The following STON2 variants were observed in gnomAD, a reference collection of about 807,000 sequenced individuals.
STON2 encodes the protein stonin-2.
A neutral mutation model predicts 65.7 loss-of-function variants in STON2; 29 were observed. The observed-to-expected ratio is 0.44, with a 90% confidence interval of 0.33 to 0.60. STON2 has a LOEUF of 0.60. Ranked by LOEUF, STON2 falls within the 20% of genes least tolerant of loss-of-function variation. The pLI, the probability that STON2 is intolerant of heterozygous loss-of-function variation, is 0.03. For missense variants in STON2, 1,054 were observed against 1,118.1 expected (o/e 0.94, Z 0.82); for synonymous variants, 404 against 414.2 (o/e 0.98, Z 0.30).
chr14:81,426,590 C>T (rs996922726), intron 2 of STON2, among the ~76,000 whole-genome samples: 5 of 152,098 alleles, frequency 3.3e-5, no homozygotes, highest in Non-Finnish European at 5.9e-5. Flanking sequence ...ATTTGACCAG[C>T]GACTCTCCCT....
chr14:81,400,721 G>A (rs966672514), upstream of STON2, among the ~76,000 whole-genome samples: 1 of 152,122 alleles, frequency 6.6e-6, no homozygotes, highest in Admixed American at 6.6e-5. Flanking sequence ...TGAGGCCCAA[G>A]GAAATCAGGC....
chr14:81,373,080 T>C (rs1039091059), intron 3 of STON2, among the ~76,000 whole-genome samples: 1 of 152,188 alleles, frequency 6.6e-6, no homozygotes, highest in Non-Finnish European at 1.5e-5. Context: ...GTTATCACTG[T>C]CTAATGTACT....
At chr14:81,291,420 C>T (rs1358134708) in intron 5 of STON2, among the ~76,000 whole-genome samples, 1 of 152,136 alleles carries the variant, frequency 6.6e-6, no homozygotes, top group Non-Finnish European at 1.5e-5. Flanking sequence ...CCCTCTGGTA[C>T]TGAGAAATGT....
chr14:81,275,959 C>T (rs1894799282), intron 6 of STON2, among the ~76,000 whole-genome samples: 1 of 152,202 alleles, frequency 6.6e-6, no homozygotes, highest in South Asian at 2.1e-4. Context: ...TTTTCCAAAC[C>T]TTATCCTTTT....
intron 2 of STON2, among the ~76,000 whole-genome samples, chr14:81,418,982 A>G (rs955950450): frequency 6.6e-6 from 1 of 152,170 alleles, no homozygotes; most frequent in Non-Finnish European, 1.5e-5. Flanking sequence ...TTGATTCCCT[A>G]GAAAAAAGTT....
chr14:81,390,031 A>C (rs1434310875), intron 3 of STON2, among the ~76,000 whole-genome samples: 1 of 151,884 alleles, frequency 6.6e-6, no homozygotes, highest in East Asian at 1.9e-4. Context: ...TGGCCAACAT[A>C]ATGAAACCCA....
At chr14:81,345,092 A>G (rs1185812733) in intron 4 of STON2, among the ~76,000 whole-genome samples, 1 of 152,206 alleles carries the variant, frequency 6.6e-6, no homozygotes, top group East Asian at 1.9e-4. Flanking sequence ...AGCTTGTGAC[A>G]ATGCATATAA....
intron 3 of STON2, 86 bp downstream of exon 3, chr14:81,395,808 T>C (rs1418373449): frequency 1.4e-6 from 2 of 1,392,882 alleles, no homozygotes; most frequent in Non-Finnish European, 2.0e-6. Flanking sequence ...GCAGATGAAA[T>C]GGAATCCTGG....
In STON2 at chr14:81,265,847, T is replaced by A; in HGVS notation, c.*2567A>T. The A allele has an allele frequency of 1.0e-6, 1 of 985,226 alleles. No homozygotes were observed. Among genetic ancestry groups the A allele is most frequent in the Non-Finnish European group, 1.2e-6 (1 of 829,884 alleles). The allele number at this position is 985,226 out of a possible 1,614,324, so 61.0% of individuals were successfully genotyped here. On this transcript the variant is annotated 3_prime_UTR_variant, in exon 8 of 8. Transcript: ENST00000614646. ...AATAAGCTCCAACAAGCAATCCACA[T>A]GTTATGCTAGCAGATGAGGCAGAGA...
chr14:81,339,664 C>T (rs1263837140), intron 4 of STON2, among the ~76,000 whole-genome samples: 1 of 152,136 alleles, frequency 6.6e-6, no homozygotes, highest in Non-Finnish European at 1.5e-5. Flanking sequence ...GAAGGCCAGG[C>T]TAAAGTTTTA....
rs563993314 is a variant in STON2, at chr14:81,396,016, G to T, written c.251C>A (p.Pro84Gln). 2 of 1,614,204 alleles carry T rather than the reference G, an allele frequency of 1.2e-6. No homozygotes were observed. Among genetic ancestry groups the T allele is most frequent in the East Asian group, 2.2e-5 (1 of 44,884 alleles). ...KMGLISEAAS[P>Q]PGSPEQPPPD... ...TGGGGGCTGCTCAGGGCTCCCAGGT[G>T]GGGAAGCTGCTTCAGAGATGAGGCC... The change falls in exon 3 of 8, where the codon CCA becomes CAA. Residue 84 changes from proline (P) to glutamine (Q), a missense_variant. Pro to Gln is a moderately conservative substitution (Grantham distance 76). Coordinates refer to ENST00000614646, the MANE Select transcript of STON2 (RefSeq NM_001394390.1).
At chr14:81,372,538 T>G (rs977984061) in intron 3 of STON2, among the ~76,000 whole-genome samples, 7 of 116,014 alleles carry the variant, frequency 6.0e-5, no homozygotes, top group Non-Finnish European at 1.2e-4. Flanking sequence ...CAACAAGAGA[T>G]AAACCCTATC....
intron 4 of STON2, among the ~76,000 whole-genome samples, chr14:81,342,610 A>T (rs1897656065): frequency 6.6e-6 from 1 of 152,156 alleles, no homozygotes; most frequent in Non-Finnish European, 1.5e-5. Context: ...TGATCCACAC[A>T]TCTGAGCTCT....
At chr14:81,336,878 A>G (rs934737986) in intron 4 of STON2, among the ~76,000 whole-genome samples, 5 of 152,164 alleles carry the variant, frequency 3.3e-5, no homozygotes, top group Admixed American at 6.5e-5. Flanking sequence ...ACCTCAGATG[A>G]GTGATCAGCA....
chr14:81,306,291 G>T (rs28622938), intron 5 of STON2, among the ~76,000 whole-genome samples: 108,885 of 136,770 alleles, frequency 0.8, 43,193 homozygotes, highest in Middle Eastern at 0.81. Flanking sequence ...GTGCGGTGGT[G>T]TGATTGTGGC....
intron 2 of STON2, among the ~76,000 whole-genome samples, chr14:81,411,504 T>G (rs1901156997): frequency 1.3e-5 from 2 of 152,152 alleles, no homozygotes; most frequent in Admixed American, 1.3e-4. Context: ...GTCAGGAGTT[T>G]GAGACCAGCC....
At chr14:81,323,590 G>C (rs1896897904) in intron 5 of STON2, 1 of 152,006 alleles carries the variant, frequency 6.6e-6, no homozygotes, top group Admixed American at 6.6e-5. Flanking sequence ...TGTTTGTTTT[G>C]AGACAAAACA....
intron 5 of STON2, among the ~76,000 whole-genome samples, chr14:81,291,344 C>A (rs568086438): frequency 2.6e-5 from 4 of 152,112 alleles, no homozygotes. Flanking sequence ...AGGAATTCAC[C>A]ACATAAAGGA....
At chr14:81,364,187 C>G (rs1898619619) in intron 4 of STON2, among the ~76,000 whole-genome samples, 1 of 152,160 alleles carries the variant, frequency 6.6e-6, no homozygotes, top group Non-Finnish European at 1.5e-5. Flanking sequence ...CTAGGGATAT[C>G]CTACTGCTCT....
Sources: allele counts gnomAD v4.1 joint callset (sites outside exome capture counted in the v4.1 genomes callset), GRCh38; gene constraint gnomAD v4.1.1; transcripts MANE v1.5; gene names NCBI Gene and HGNC (gene_info 2026-07-23, HGNC 2026-07-21).